The following MRPS25 variants were observed in gnomAD, a reference collection of about 807,000 sequenced individuals.
The protein encoded by MRPS25 is mitochondrial ribosomal protein S25.
MRPS25 carries 15 observed loss-of-function variants against 17.3 expected under a neutral mutation model. That is an observed-to-expected ratio of 0.87 (90% CI 0.58 to 1.34). The LOEUF is 1.34. Ranked by LOEUF, MRPS25 falls within the 40% of genes most tolerant of loss-of-function variation. The pLI is 0.00. For synonymous variants in MRPS25, 94 were observed against 83.3 expected, an observed-to-expected ratio of 1.13 and a Z score of -0.70; for missense variants, 225 against 218.6, an observed-to-expected ratio of 1.03 and a Z score of -0.19.
In MRPS25 at chr3:15,048,865, A is replaced by AGTTACAT. The variant is rs1257030496; in HGVS notation, c.*3575_*3576insATGTAAC. The AGTTACAT allele has an allele frequency of 3.3e-5, 5 of 152,614 alleles. No individual in the cohort carries two copies. The highest frequency in any genetic ancestry group is 7.3e-5 in the Non-Finnish European group (5 of 68,036). The allele number at this position is 152,614 out of a possible 1,614,324, so 9.5% of individuals were successfully genotyped here. On this transcript the variant is annotated 3_prime_UTR_variant, in exon 4 of 4. Coordinates refer to ENST00000253686, the MANE Select transcript of MRPS25 (RefSeq NM_022497.5). ...CTGCATTACCAGCCCTTTTAAAGGC[A>AGTTACAT]TCTATCTATCAAAGGAAAATTTGGG...
chr3:15,060,533 AAG>A, intron 1 of MRPS25, among the ~76,000 whole-genome samples: 1 of 151,240 alleles, frequency 6.6e-6, no homozygotes. Flanking sequence ...AAAAAAAAAA[AAG>A]AAAAGTGGCT....
intron 2 of MRPS25, among the ~76,000 whole-genome samples, chr3:15,057,187 G>T (rs2042683976): frequency 6.6e-6 from 1 of 152,178 alleles, no homozygotes; most frequent in East Asian, 1.9e-4. Flanking sequence ...TCCCTGGCCG[G>T]GGCCTAGGGT....
At chr3:15,055,269 A>G (rs867751512) in intron 2 of MRPS25, among the ~76,000 whole-genome samples, 1 of 152,228 alleles carries the variant, frequency 6.6e-6, no homozygotes, top group Non-Finnish European at 1.5e-5. Context: ...ATTGGGAATT[A>G]TAACTGAACA....
At chr3:15,045,195 C>G (rs539671428), downstream of MRPS25, 28 of 152,180 alleles carry the variant, frequency 1.8e-4, no homozygotes, top group Non-Finnish European at 3.2e-4. Flanking sequence ...TGCCTGCCTT[C>G]CGTCGTTTTG....
chr3:15,050,808 C>A lies in MRPS25; in HGVS notation c.*1633G>T, dbSNP rs1267690264. The A allele has an allele frequency of 2.0e-6, 2 of 985,260 alleles. No homozygotes were observed. Among genetic ancestry groups the A allele is most frequent in the Non-Finnish European group, 2.4e-6 (2 of 829,788 alleles). 61.0% of individuals were successfully genotyped at this position (985,260 alleles called of 1,614,324 possible). A position where few individuals can be genotyped will look rare whatever the true frequency, so the allele number is the denominator to read the frequency against. On this transcript the variant is annotated 3_prime_UTR_variant, in exon 4 of 4. Coordinates refer to ENST00000253686, the MANE Select transcript of MRPS25 (RefSeq NM_022497.5). ...ACAAGCCATCACCCCAAACCCAGAT[C>A]TGGTACAGAATCAAACTTGAGCATC...
downstream of MRPS25, chr3:15,042,792 G>A (rs1168570343): frequency 5.0e-6 from 8 of 1,585,036 alleles, no homozygotes; most frequent in Non-Finnish European, 6.9e-6. Context: ...TGGTTGAAGG[G>A]CATCAAACAG....
At position 15,065,173 on chromosome 3, in the gene MRPS25, G is replaced by A. The variant is rs1322865391; in HGVS notation, c.22C>T (p.Pro8Ser). The A allele has an allele frequency of 6.2e-7, 1 of 1,605,190 alleles. No individual in the cohort carries two copies. Among genetic ancestry groups the A allele is most frequent in the Admixed American group, 1.7e-5 (1 of 59,058 alleles). ...AGATATTGCAGGGTGCGGCGGATGG[G>A]GAAGCGGCCCTTCATGGGCATGGCG... Reference protein sequence around the residue: MPMKGRFPIRRTLQYLSQ... With the variant: MPMKGRFSIRRTLQYLSQ... The change falls in exon 1 of 4, where the codon CCC (proline) becomes TCC (serine). Residue 8 changes from proline to serine, a missense_variant. Transcript: ENST00000253686.
intron 1 of MRPS25, among the ~76,000 whole-genome samples, chr3:15,062,442 G>GT (rs1194909087): frequency 4.5e-4 from 10 of 22,168 alleles, no homozygotes; most frequent in Non-Finnish European, 9.0e-4. Context: ...CGGGAGGGAG[G>GT]TGGGGGGGGT....
Position 15,059,608 on chromosome 3 carries a change from C to T in MRPS25, c.135-133G>A, listed in dbSNP as rs2042721808. On this transcript the variant is annotated intron_variant, in intron 1 of 3. Coordinates refer to ENST00000253686, the MANE Select transcript of MRPS25 (RefSeq NM_022497.5). The stretch of plus-strand genomic sequence containing the variant: ...AGGACCCAAAAAGGCTGAGAAAAAA[C>T]TCGCAGGGATCCTCTTAGAAGATTC... 4.5e-6 allele frequency: 3 copies of T among 668,898 alleles called. No individual in the cohort carries two copies. In the African/African-American group the frequency reaches 5.4e-5, roughly 12 times the overall value. The allele number at this position is 668,898 out of a possible 1,614,324, so 41.4% of individuals were successfully genotyped here.
At chr3:15,042,752 G>T (rs2042314014), downstream of MRPS25, 2 of 1,321,128 alleles carry the variant, frequency 1.5e-6, no homozygotes, top group African/African-American at 1.5e-5. Context: ...GTGCAATACA[G>T]ACGGGACCCC....
At chr3:15,042,300 G>A (rs956129999), downstream of MRPS25, among the ~76,000 whole-genome samples, 1 of 152,174 alleles carries the variant, frequency 6.6e-6, no homozygotes, top group Non-Finnish European at 1.5e-5. Flanking sequence ...GGAAATTAGA[G>A]CAGTACAAAA....
intron 1 of MRPS25, among the ~76,000 whole-genome samples, chr3:15,060,242 G>A (rs1161339690): frequency 1.3e-5 from 2 of 152,166 alleles, no homozygotes; most frequent in African/African-American, 2.4e-5. Context: ...GCTGGGTGCA[G>A]TGGCTCACAC....
In MRPS25 at chr3:15,050,562, T is replaced by A. The variant is rs2042588876; in HGVS notation, c.*1879A>T. 1 of 985,296 alleles carries A rather than the reference T, an allele frequency of 1.0e-6. No homozygotes were observed. The highest frequency in any genetic ancestry group is 1.7e-5 in the African/African-American group (1 of 57,184). The allele number at this position is 985,296 out of a possible 1,614,324, so 61.0% of individuals were successfully genotyped here. ...CAGCCAAGTAGAACGCCCAGGCAGGTGGTATCAAGGTCAAGACTTCAGTCA... is the reference window on the plus strand; with the variant it reads ...CAGCCAAGTAGAACGCCCAGGCAGGAGGTATCAAGGTCAAGACTTCAGTCA... On this transcript the variant is annotated 3_prime_UTR_variant, in exon 4 of 4. Coordinates refer to ENST00000253686, the MANE Select transcript of MRPS25 (RefSeq NM_022497.5).
In MRPS25 at chr3:15,050,109, G is replaced by A. The variant is rs1461644236; in HGVS notation, c.*2332C>T. ...ATCACTACTAAACAAAATAGGGAAA[G>A]ACAAAGGTTTAAAGAGAAACTATCC... On this transcript the variant is annotated 3_prime_UTR_variant, in exon 4 of 4. Transcript: ENST00000253686. The A allele has an allele frequency of 7.2e-7, 1 of 1,389,998 alleles. No homozygotes were observed. 86.1% of individuals were successfully genotyped at this position (1,389,998 alleles called of 1,614,324 possible).
Position 15,050,718 on chromosome 3 carries a change from C to G in MRPS25, c.*1723G>C. The stretch of plus-strand genomic sequence containing the variant: ...TCAATTAAACACTCCCTTTGTAAGT[C>G]TGTCACTCAAGGAACACCTGTCCAT... On this transcript the variant is annotated 3_prime_UTR_variant, in exon 4 of 4. Transcript: ENST00000253686. The G allele has an allele frequency of 1.0e-6, 1 of 985,408 alleles. No homozygotes were observed. Among genetic ancestry groups the G allele is most frequent in the Non-Finnish European group, 1.2e-6 (1 of 829,924 alleles). The allele number at this position is 985,408 out of a possible 1,614,324, so 61.0% of individuals were successfully genotyped here. A position where few individuals can be genotyped will look rare whatever the true frequency, so the allele number is the denominator to read the frequency against.
chr3:15,042,561 T>A (rs1348792989), downstream of MRPS25: 3 of 330,792 alleles, frequency 9.1e-6, no homozygotes, highest in Admixed American at 4.6e-5. Context: ...GTTGATGAAT[T>A]TCCAGGTTTT....
intron 1 of MRPS25, among the ~76,000 whole-genome samples, chr3:15,060,835 C>T (rs555718697): frequency 5.3e-5 from 8 of 152,194 alleles, no homozygotes; most frequent in Non-Finnish European, 8.8e-5. Context: ...GAGCCGAGAT[C>T]GCGCCACTGC....
In MRPS25 at chr3:15,048,911, G is replaced by A. The variant is rs983596446; in HGVS notation, c.*3530C>T. ...TTGGGTGTTAGATTTTCTTGGGACC[G>A]TTTCTGTAACCTTTGCCCTTCACAA... On this transcript the variant is annotated 3_prime_UTR_variant, in exon 4 of 4. Coordinates refer to ENST00000253686, the MANE Select transcript of MRPS25 (RefSeq NM_022497.5). 5 of 152,610 alleles carry A rather than the reference G, an allele frequency of 3.3e-5. No individual in the cohort carries two copies. The highest frequency in any genetic ancestry group is 7.3e-5 in the Non-Finnish European group (5 of 68,034). The allele number at this position is 152,610 out of a possible 1,614,324, so 9.5% of individuals were successfully genotyped here.
downstream of MRPS25, chr3:15,045,567 T>TAG (rs1161512208): frequency 9.2e-5 from 14 of 152,826 alleles, no homozygotes; most frequent in Non-Finnish European, 1.3e-4. Flanking sequence ...TGGCCTTTTC[T>TAG]TTAAGGATCA....
Sources: allele counts gnomAD v4.1 joint callset (sites outside exome capture counted in the v4.1 genomes callset), GRCh38; gene constraint gnomAD v4.1.1; transcripts MANE v1.5; gene names NCBI Gene and HGNC (gene_info 2026-07-23, HGNC 2026-07-21).